The following HOMER1 variants were observed in gnomAD, a reference collection of about 807,000 sequenced individuals.
HOMER1 encodes homer scaffold protein 1, also known as homer protein homolog 1.
A neutral mutation model predicts 48.9 loss-of-function variants in HOMER1; 3 were observed. That is an observed-to-expected ratio of 0.06 (90% CI 0.03 to 0.16). HOMER1 has a LOEUF of 0.16. HOMER1 is among the 10% of genes least tolerant of loss of function. The pLI is 1.00. For missense variants in HOMER1, 247 were observed against 411.4 expected, an observed-to-expected ratio of 0.60 and a Z score of 3.46; for synonymous variants, 134 against 146.4, an observed-to-expected ratio of 0.92 and a Z score of 0.61.
At chr5:79,508,954 C>T (rs541884042) in intron 1 of HOMER1, among the ~76,000 whole-genome samples, 6 of 152,270 alleles carry the variant, frequency 3.9e-5, no homozygotes, top group East Asian at 3.9e-4. Context: ...GAACAAATGA[C>T]GAATTAAGGA....
rs185756017 is a variant in HOMER1, at chr5:79,459,495, T to C, written c.6-2477A>G. On this transcript the variant is annotated intron_variant, in intron 1 of 8. Transcript: ENST00000334082. ...TTTTAAAGAAAATTATAGTTTAAGATTTCTGTGGTCAAAAGCCTGTACTTC... is the reference window on the plus strand; with the variant it reads ...TTTTAAAGAAAATTATAGTTTAAGACTTCTGTGGTCAAAAGCCTGTACTTC... Among the ~76,000 whole-genome samples, 26 of 152,300 alleles carry C rather than the reference T, an allele frequency of 1.7e-4. No individual in the cohort carries two copies. In the East Asian group the frequency reaches 5.0e-3, roughly 29 times the overall value.
chr5:79,447,753 A>G (rs1199874856), intron 3 of HOMER1, among the ~76,000 whole-genome samples: 1 of 152,212 alleles, frequency 6.6e-6, no homozygotes, highest in East Asian at 1.9e-4. Flanking sequence ...TTTCAAAACA[A>G]AAATTATTGT....
At chr5:79,408,149 C>T (rs1749715761) in intron 5 of HOMER1, among the ~76,000 whole-genome samples, 1 of 152,136 alleles carries the variant, frequency 6.6e-6, no homozygotes, top group African/African-American at 2.4e-5. Context: ...TCCATGGTTT[C>T]AGGCATCCAC....
In HOMER1 at chr5:79,428,602, C is replaced by T. The variant is rs576317301; in HGVS notation, c.527+10408G>A. 7.2e-4 allele frequency among the ~76,000 whole-genome samples: 109 copies of T among 152,114 alleles called. 4 individuals carry two copies. In the South Asian group the frequency reaches 0.022, roughly 31 times the overall value. The stretch of plus-strand genomic sequence containing the variant: ...ATGAGTTCAGTAAGTTTGTAGGATA[C>T]AAGATCACTACACAACAATCATCCT... On this transcript the variant is annotated intron_variant, in intron 5 of 8. Transcript: ENST00000334082.
At chr5:79,429,694 G>A (rs1270359669) in intron 5 of HOMER1, among the ~76,000 whole-genome samples, 1 of 152,060 alleles carries the variant, frequency 6.6e-6, no homozygotes, top group Non-Finnish European at 1.5e-5. Flanking sequence ...TACCAAAAGT[G>A]CAAGAAAGAA....
At chr5:79,450,516 T>A (rs1561368541) in intron 3 of HOMER1, among the ~76,000 whole-genome samples, 1 of 152,224 alleles carries the variant, frequency 6.6e-6, no homozygotes, top group Non-Finnish European at 1.5e-5. Context: ...CTGCACTGCA[T>A]CAGAGCTCGG....
At chr5:79,391,747 A>T (rs1291073042) in intron 8 of HOMER1, among the ~76,000 whole-genome samples, 1 of 151,986 alleles carries the variant, frequency 6.6e-6, no homozygotes, top group Non-Finnish European at 1.5e-5. Flanking sequence ...TGTCTCAAAA[A>T]AAAAAAAGAA....
intron 1 of HOMER1, among the ~76,000 whole-genome samples, chr5:79,465,581 C>CTTTTTTTTTTT (rs1195158421): frequency 1.1e-5 from 1 of 90,410 alleles, no homozygotes; most frequent in African/African-American, 5.0e-5. Flanking sequence ...GTTTACATTT[C>CTTTTTTTTTTT]TTCTTTTTTT....
At chr5:79,490,710 T>A (rs1580025358) in intron 1 of HOMER1, among the ~76,000 whole-genome samples, 1 of 148,304 alleles carries the variant, frequency 6.7e-6, no homozygotes, top group South Asian at 2.1e-4. Flanking sequence ...GGTGGAGGGA[T>A]CACTTGAGGC....
intron 1 of HOMER1, among the ~76,000 whole-genome samples, chr5:79,509,180 G>A (rs964905702): frequency 6.6e-6 from 1 of 152,122 alleles, no homozygotes; most frequent in Non-Finnish European, 1.5e-5. Context: ...CCATGCTTCT[G>A]GAAGTTATTT....
At chr5:79,464,804 TATAC>T (rs1409098978) in intron 1 of HOMER1, among the ~76,000 whole-genome samples, 1 of 152,196 alleles carries the variant, frequency 6.6e-6, no homozygotes, top group African/African-American at 2.4e-5. Context: ...GCTGATTGCT[TATAC>T]ATACAATGTT....
intron 5 of HOMER1, among the ~76,000 whole-genome samples, chr5:79,429,107 G>A (rs1039068470): frequency 3.3e-5 from 5 of 152,198 alleles, no homozygotes; most frequent in Non-Finnish European, 7.4e-5. Flanking sequence ...GCTCACACCT[G>A]TAATTTGGGA....
chr5:79,437,813 C>A (rs1004730072), intron 5 of HOMER1, among the ~76,000 whole-genome samples: 8 of 152,094 alleles, frequency 5.3e-5, no homozygotes, highest in African/African-American at 1.2e-4. Flanking sequence ...CACCAACATG[C>A]CTGGCCTAAG....
intron 1 of HOMER1, among the ~76,000 whole-genome samples, chr5:79,500,959 G>GACACACACACAC (rs779298030): frequency 0.023 from 2,963 of 129,766 alleles, 29 homozygotes; most frequent in Non-Finnish European, 0.026. Context: ...GTGTGAGACA[G>GACACACACACAC]ACAGACACAC....
intron 2 of HOMER1, among the ~76,000 whole-genome samples, chr5:79,455,002 C>A (rs1026129853): frequency 6.6e-6 from 1 of 152,084 alleles, no homozygotes; most frequent in Non-Finnish European, 1.5e-5. Flanking sequence ...GACAGGGTCT[C>A]GCTCTGGATA....
chr5:79,420,499 C>T (rs1580438541), intron 5 of HOMER1, among the ~76,000 whole-genome samples: 1 of 152,326 alleles, frequency 6.6e-6, no homozygotes, highest in African/African-American at 2.4e-5. Context: ...GCCCTCTTCC[C>T]TCACTTTGAT....
At chr5:79,507,706 AG>A (rs1752817548) in intron 1 of HOMER1, among the ~76,000 whole-genome samples, 1 of 119,330 alleles carries the variant, frequency 8.4e-6, no homozygotes, top group Non-Finnish European at 1.6e-5. Flanking sequence ...TAAACACTAA[AG>A]ACTGAAAAAA....
intron 1 of HOMER1, chr5:79,510,633 C>T (rs1433040345): frequency 3.3e-6 from 3 of 915,358 alleles, no homozygotes; most frequent in African/African-American, 3.2e-5. Context: ...GCCATGAGTG[C>T]ACATGCCAAG....
At chr5:79,498,818 C>T (rs966207956) in intron 1 of HOMER1, among the ~76,000 whole-genome samples, 2 of 149,916 alleles carry the variant, frequency 1.3e-5, no homozygotes, top group Admixed American at 6.6e-5. Context: ...ATTGGTCCTT[C>T]TACTTGCAGG....
Sources: gnomAD v4.1 joint callset for allele counts (sites outside exome capture counted in the v4.1 genomes callset) on GRCh38, gnomAD v4.1.1 for gene constraint, MANE v1.5 for transcripts, NCBI Gene and HGNC (gene_info 2026-07-23, HGNC 2026-07-21) for gene names.